Variants in CMYA5 observed in about 807,000 individuals in gnomAD.
CMYA5 encodes cardiomyopathy-associated protein 5.
A neutral mutation model predicts 318.9 loss-of-function variants in CMYA5; 246 were observed. The observed-to-expected ratio is 0.77, with a 90% confidence interval of 0.70 to 0.86. CMYA5 has a LOEUF of 0.86. CMYA5 is among the 40% of genes least tolerant of loss of function. The pLI is 0.00. For missense variants in CMYA5, 4,589 were observed against 4,678.2 expected (o/e 0.98, Z 0.56); for synonymous variants, 1,641 against 1,729.5 (o/e 0.95, Z 1.27).
chr5:79,700,785 G>A (rs1221087921), intron 1 of CMYA5, among the ~76,000 whole-genome samples: 3 of 152,236 alleles, frequency 2.0e-5, no homozygotes, highest in South Asian at 2.1e-4. Context: ...AGATCATTAC[G>A]TTAAGGGAAA....
intron 9 of CMYA5, among the ~76,000 whole-genome samples, chr5:79,770,616 A>T (rs1828838594): frequency 6.6e-6 from 1 of 151,958 alleles, no homozygotes; most frequent in South Asian, 2.1e-4. Flanking sequence ...CATGGGCTGC[A>T]TCCACTGAGA....
intron 6 of CMYA5, among the ~76,000 whole-genome samples, chr5:79,757,345 T>G (rs1240325112): frequency 6.6e-6 from 1 of 152,228 alleles, no homozygotes; most frequent in African/African-American, 2.4e-5. Flanking sequence ...ACCATTAATG[T>G]TTGTACGCAT....
At chr5:79,697,528 C>T (rs1487702942) in intron 1 of CMYA5, among the ~76,000 whole-genome samples, 1 of 152,206 alleles carries the variant, frequency 6.6e-6, no homozygotes, top group Non-Finnish European at 1.5e-5. Context: ...TATCTAATCT[C>T]TTCCAAGCAC....
chr5:79,735,888 C>T lies in CMYA5; in HGVS notation c.7123C>T (p.Leu2375Phe), dbSNP rs149505419. Residue 2375 changes from leucine (L) to phenylalanine (F), a missense_variant, in exon 2 of 13, where the codon CTC (leucine) becomes TTC (phenylalanine). By Grantham distance (22) the Leu-to-Phe change is conservative (BLOSUM62 0). Transcript: ENST00000446378. ...AAGAAGTGATCAAAAACAAAAATCA[C>T]TCCTTTCATTTGATGTAGTAGATAA... ...EPRSDQKQKS[L>F]LSFDVVDKVP... 438 of 1,581,548 alleles carry T rather than the reference C, an allele frequency of 2.8e-4. 1 individual carries two copies. In the African/African-American group the frequency reaches 5.4e-3, roughly 20 times the overall value.
In CMYA5 at chr5:79,793,579, T is replaced by A. The variant is rs1013779754; in HGVS notation, c.11932T>A (p.Ser3978Thr). The part of the protein sequence containing the change: ...QAGALGQGET[S>T]WYMHCSEPQR... ...AGGTGCCCTAGGACAAGGGGAGACCTCATGGTACATGCACTGCTCTGAGCC... is the reference window on the plus strand; with the variant it reads ...AGGTGCCCTAGGACAAGGGGAGACCACATGGTACATGCACTGCTCTGAGCC... The change falls in exon 12 of 13, where the codon TCA (serine) becomes ACA (threonine). Residue 3978 changes from serine to threonine, a missense_variant. Coordinates refer to ENST00000446378, the MANE Select transcript of CMYA5 (RefSeq NM_153610.5). The A allele has an allele frequency of 5.6e-6, 9 of 1,613,506 alleles. No individual in the cohort carries two copies. In the South Asian group the frequency reaches 9.9e-5, roughly 18 times the overall value.
rs764546866 is a variant in CMYA5, at chr5:79,738,025, C to T, written c.9260C>T (p.Thr3087Ile). The T allele has an allele frequency of 3.8e-5, 62 of 1,613,264 alleles. No individual in the cohort carries two copies. Among genetic ancestry groups the T allele is most frequent in the Middle Eastern group, 1.6e-4 (1 of 6,082 alleles). Reference sequence around the variant, plus strand: ...GAAGAGAAACTCTCAAAGGAAGTTACAGAAGAAACTATCTCTTTCCCAGTA... The same window carrying T: ...GAAGAGAAACTCTCAAAGGAAGTTATAGAAGAAACTATCTCTTTCCCAGTA... ...NVEEKLSKEV[T>I]EETISFPVSS... The change falls in exon 2 of 13, where the codon ACA becomes ATA. Residue 3087 changes from threonine (T) to isoleucine (I), a missense_variant. By Grantham distance (89) the Thr-to-Ile change is moderately conservative (BLOSUM62 -1). This residue lies in a region of CMYA5 where 2,431 missense variants were observed against 2,495.1 expected (regional missense o/e 0.97). Coordinates refer to ENST00000446378, the MANE Select transcript of CMYA5 (RefSeq NM_153610.5).
intron 1 of CMYA5, among the ~76,000 whole-genome samples, chr5:79,728,332 TC>T (rs61304379): frequency 0.16 from 20,587 of 131,842 alleles, 3,965 homozygotes; most frequent in African/African-American, 0.47. Flanking sequence ...TTTTTTTTTT[TC>T]TTCTGTGGAT....
chr5:79,708,511 G>T (rs1459650741), intron 1 of CMYA5, among the ~76,000 whole-genome samples: 1 of 152,080 alleles, frequency 6.6e-6, no homozygotes, highest in African/African-American at 2.4e-5. Flanking sequence ...TGTAGTCCCA[G>T]CTACTTGGGA....
intron 5 of CMYA5, 25 bp downstream of exon 5, chr5:79,747,138 G>A: frequency 6.5e-7 from 1 of 1,536,274 alleles, no homozygotes; most frequent in Non-Finnish European, 8.8e-7. Context: ...ATACAATGTA[G>A]TGGCAAACAG....
chr5:79,734,669 CA>C lies in CMYA5; in HGVS notation c.5905del (p.Ser1969ValfsTer17), dbSNP rs781478138. On this transcript the variant is annotated frameshift_variant, in exon 2 of 13. Transcript: ENST00000446378. LOFTEE classifies it high-confidence loss of function. ...AAGCAGTATCTGCTCTTGATACTTC[CA>C]GTGGTAATACAGAGACCTTATCAAG... is the stretch of plus-strand genomic sequence containing the variant. ...QEAVSALDTS[S>X]GNTETLSSKS... The C allele has an allele frequency of 6.2e-7, 1 of 1,613,754 alleles. No homozygotes were observed. Among genetic ancestry groups the C allele is most frequent in the South Asian group, 1.1e-5 (1 of 91,080 alleles).
At chr5:79,708,875 A>G (rs1827325238) in intron 1 of CMYA5, among the ~76,000 whole-genome samples, 1 of 152,136 alleles carries the variant, frequency 6.6e-6, no homozygotes, top group African/African-American at 2.4e-5. Context: ...CGGAGGTTGC[A>G]GTAAGCTGAG....
rs1392328006 is a variant in CMYA5, at chr5:79,735,337, C to T, written c.6572C>T (p.Thr2191Ile). 6 of 1,613,652 alleles carry T rather than the reference C, an allele frequency of 3.7e-6. No individual in the cohort carries two copies. The Admixed American group carries it at 6.7e-5, about 18-fold the overall frequency. Reference sequence around the variant, plus strand: ...TCCAGCTTGTTTTTTGGATCGAGCACTCCAGATAACAAAGTTGCTGAACAA... The same window carrying T: ...TCCAGCTTGTTTTTTGGATCGAGCATTCCAGATAACAAAGTTGCTGAACAA... ...WMSSLFFGSS[T>I]PDNKVAEQED... The change falls in exon 2 of 13, where the codon ACT (threonine) becomes ATT (isoleucine). Residue 2191 changes from threonine to isoleucine, a missense_variant. This residue lies in a region of CMYA5 where 2,431 missense variants were observed against 2,495.1 expected (regional missense o/e 0.97). Transcript: ENST00000446378.
intron 1 of CMYA5, among the ~76,000 whole-genome samples, chr5:79,709,960 CAAAAAAAAAAAAAAAAA>C (rs61657639): frequency 4.1e-5 from 1 of 24,324 alleles, no homozygotes; most frequent in African/African-American, 1.5e-4. Flanking sequence ...GACTCCATCT[CAAAAAAAAAAAAAAAAA>C]AAAAAAAAAA....
chr5:79,743,238 G>T (rs1235661336), intron 2 of CMYA5, among the ~76,000 whole-genome samples: 3 of 152,168 alleles, frequency 2.0e-5, no homozygotes, highest in Admixed American at 6.5e-5. Context: ...GCTAAAGTGG[G>T]TACCATGCTC....
Position 79,735,286 on chromosome 5 carries a change from G to A in CMYA5, c.6521G>A (p.Gly2174Glu), listed in dbSNP as rs1828029897. The change falls in exon 2 of 13, where the codon GGA becomes GAA. Residue 2174 changes from glycine to glutamate, a missense_variant. Around this residue, in one of 3 missense-constraint regions of CMYA5, gnomAD observed 2,431 missense variants for 2,495.1 expected, o/e 0.97. Coordinates refer to ENST00000446378, the MANE Select transcript of CMYA5 (RefSeq NM_153610.5). Reference sequence around the variant, plus strand: ...CTTCCTGAGGAAAAGGGAAAGAAAGGAATTTCATCTTTCAAATCGTGGATG... The same window carrying A: ...CTTCCTGAGGAAAAGGGAAAGAAAGAAATTTCATCTTTCAAATCGTGGATG... Reference protein sequence around the residue: ...PDLPEEKGKKGISSFKSWMSS... With the variant: ...PDLPEEKGKKEISSFKSWMSS... 6.2e-7 allele frequency: 1 copy of A among 1,613,784 alleles called. No homozygotes were observed. The highest frequency in any genetic ancestry group is 1.7e-5 in the Admixed American group (1 of 59,972).
In CMYA5 at chr5:79,729,719, C is replaced by T. The variant is rs565839609; in HGVS notation, c.954C>T (p.Phe318=). The change falls in exon 2 of 13, where the codon TTC becomes TTT. Residue 318 remains phenylalanine (F), a synonymous_variant. Transcript: ENST00000446378. The part of the protein sequence containing the change: ...SKGSESLTLM[F]SHEDQKKIYA... ...GATCAGAGTCCCTAACCTTAATGTT[C>T]AGTCATGAAGATCAAAAGAAAATTT... The T allele has an allele frequency of 2.5e-6, 4 of 1,613,890 alleles. No homozygotes were observed. Among genetic ancestry groups the T allele is most frequent in the South Asian group, 1.1e-5 (1 of 91,056 alleles).
At position 79,734,447 on chromosome 5, in the gene CMYA5, G is replaced by A. The variant is rs774540564; in HGVS notation, c.5682G>A (p.Trp1894Ter). The A allele has an allele frequency of 1.9e-6, 3 of 1,613,706 alleles. No homozygotes were observed. Among genetic ancestry groups the A allele is most frequent in the Middle Eastern group, 3.3e-4 (2 of 6,056 alleles). The change falls in exon 2 of 13, where the codon TGG (tryptophan) becomes TGA (stop). Residue 1894 changes from tryptophan to a stop codon, truncating the protein, a stop_gained. Coordinates refer to ENST00000446378, the MANE Select transcript of CMYA5 (RefSeq NM_153610.5). LOFTEE classifies it high-confidence loss of function. ...TTATTTCTCCAAAGGATGAAAACTGGATGTTGGGAAAGCCAGAAAATGTGG... is the reference window on the plus strand; with the variant it reads ...TTATTTCTCCAAAGGATGAAAACTGAATGTTGGGAAAGCCAGAAAATGTGG... ...EFFISPKDEN[W>*]MLGKPENVAS...
rs573393420 is a variant in CMYA5 at position 79,730,101 on chromosome 5, T to C, written c.1336T>C (p.Ser446Pro). ...LEAASPGLAA[S>P]TQDGLDPDQE... ...GGCAGCGTCACCAGGTCTGGCAGCA[T>C]CTACCCAGGATGGTTTGGACCCAGA... Residue 446 changes from serine (S) to proline (P), a missense_variant, in exon 2 of 13, where the codon TCT (serine) becomes CCT (proline). By Grantham distance (74) the Ser-to-Pro change is moderately conservative. This residue lies in a region of CMYA5 where 2,132 missense variants were observed against 2,131.3 expected (regional missense o/e 1.00). Transcript: ENST00000446378. 9 of 1,613,666 alleles carry C rather than the reference T, an allele frequency of 5.6e-6. No homozygotes were observed. The highest frequency in any genetic ancestry group is 7.6e-6 in the Non-Finnish European group (9 of 1,179,888).
intron 9 of CMYA5, among the ~76,000 whole-genome samples, chr5:79,765,919 A>G (rs1406609110): frequency 1.3e-5 from 2 of 152,144 alleles, no homozygotes; most frequent in Non-Finnish European, 2.9e-5. Context: ...TAAATATACA[A>G]TCATGTCATC....
Sources: allele counts gnomAD v4.1 joint callset (sites outside exome capture counted in the v4.1 genomes callset), GRCh38; gene constraint gnomAD v4.1.1; regional missense constraint gnomAD v4.1.1; transcripts MANE v1.5; gene names NCBI Gene and HGNC (gene_info 2026-07-23, HGNC 2026-07-21).